The following COL23A1 variants were observed in gnomAD, a reference collection of about 807,000 sequenced individuals.
COL23A1 encodes the protein collagen alpha-1(XXIII) chain.
In COL23A1, 97 loss-of-function variants were observed where a neutral mutation model predicts 99.3. The ratio of observed to expected loss-of-function variants is 0.98; its 90% CI spans 0.83 to 1.16. The LOEUF is 1.16. Ranked by LOEUF, COL23A1 falls within the 50% of genes most tolerant of loss-of-function variation. The pLI, the probability that COL23A1 is intolerant of heterozygous loss-of-function variation, is 0.00. For synonymous variants in COL23A1, 320 were observed against 308.2 expected (o/e 1.04, Z -0.40); for missense variants, 762 against 757.4 (o/e 1.01, Z -0.07).
intron 2 of COL23A1, among the ~76,000 whole-genome samples, chr5:178,391,109 T>C (rs1444012816): frequency 6.6e-6 from 1 of 152,174 alleles, no homozygotes; most frequent in Non-Finnish European, 1.5e-5. Flanking sequence ...CAGATTCTCA[T>C]AGGAGCATGA....
chr5:178,262,098 GCGCA>G lies in COL23A1; in HGVS notation c.675+115_675+118del, dbSNP rs1048581967. ...TGCAGACACGTACATGCAGAGGCGC[GCGCA>G]CACACATAAACATGTGCGCGTGACC... On this transcript the variant is annotated intron_variant, in intron 10 of 28. Coordinates refer to ENST00000390654, the MANE Select transcript of COL23A1 (RefSeq NM_173465.4). 1.7e-4 allele frequency: 190 copies of G among 1,089,784 alleles called. 1 individual carries two copies. In the African/African-American group the frequency reaches 2.8e-3, roughly 16 times the overall value. The allele number at this position is 1,089,784 out of a possible 1,614,324, so 67.5% of individuals were successfully genotyped here. A position where few individuals can be genotyped will look rare whatever the true frequency, so the allele number is the denominator to read the frequency against.
chr5:178,435,682 T>A (rs924432577), intron 2 of COL23A1, among the ~76,000 whole-genome samples: 1 of 151,814 alleles, frequency 6.6e-6, no homozygotes, highest in African/African-American at 2.4e-5. Flanking sequence ...AGGGAGGTGA[T>A]CTGGTTTCAG....
chr5:178,276,096 G>A (rs932356577), intron 5 of COL23A1, among the ~76,000 whole-genome samples: 4 of 152,136 alleles, frequency 2.6e-5, no homozygotes, highest in African/African-American at 7.2e-5. Flanking sequence ...AAGTACATTC[G>A]GGATGTGGAG....
At chr5:178,527,867 A>T (rs1760403643) in intron 2 of COL23A1, among the ~76,000 whole-genome samples, 1 of 152,254 alleles carries the variant, frequency 6.6e-6, no homozygotes, top group Non-Finnish European at 1.5e-5. Context: ...CCCGAAATGG[A>T]AAATGCCAAG....
At chr5:178,527,112 T>C (rs965144483) in intron 2 of COL23A1, among the ~76,000 whole-genome samples, 3 of 152,038 alleles carry the variant, frequency 2.0e-5, no homozygotes, top group Admixed American at 6.5e-5. Flanking sequence ...AAGGGGGAAG[T>C]TGGACCCCAG....
chr5:178,484,007 G>A (rs879680742), intron 2 of COL23A1, among the ~76,000 whole-genome samples: 1 of 151,988 alleles, frequency 6.6e-6, no homozygotes, highest in East Asian at 1.9e-4. Flanking sequence ...GCATGATCTC[G>A]GCTCTCTGCA....
At chr5:178,377,419 T>C (rs759828691) in intron 2 of COL23A1, among the ~76,000 whole-genome samples, 31 of 152,258 alleles carry the variant, frequency 2.0e-4, no homozygotes, top group Non-Finnish European at 4.0e-4. Flanking sequence ...CCACTGCTTC[T>C]GGAGAATCAG....
At chr5:178,548,854 CAA>C (rs1176221133) in intron 2 of COL23A1, among the ~76,000 whole-genome samples, 1 of 152,022 alleles carries the variant, frequency 6.6e-6, no homozygotes, top group Non-Finnish European at 1.5e-5. Context: ...GCAAAAACAA[CAA>C]AAACTTAAAT....
intron 19 of COL23A1, among the ~76,000 whole-genome samples, chr5:178,248,541 T>TAGCCCAGTGACC (rs1216387160): frequency 1.3e-5 from 2 of 152,098 alleles, no homozygotes; most frequent in Non-Finnish European, 2.9e-5. Flanking sequence ...GTGCCCCCTC[T>TAGCCCAGTGACC]AGCCCAGTGA....
intron 2 of COL23A1, among the ~76,000 whole-genome samples, chr5:178,533,658 C>T (rs1032948616): frequency 3.3e-5 from 5 of 151,982 alleles, no homozygotes; most frequent in South Asian, 2.1e-4. Flanking sequence ...CCACCACGCC[C>T]GGCTAATTTT....
intron 2 of COL23A1, among the ~76,000 whole-genome samples, chr5:178,492,532 A>G (rs1188091508): frequency 6.6e-6 from 1 of 152,158 alleles, no homozygotes; most frequent in Non-Finnish European, 1.5e-5. Flanking sequence ...TGAGCTGTGC[A>G]GTCTGTGGTA....
At chr5:178,539,294 C>T (rs766245115) in intron 2 of COL23A1, among the ~76,000 whole-genome samples, 1 of 151,988 alleles carries the variant, frequency 6.6e-6, no homozygotes, top group Non-Finnish European at 1.5e-5. Flanking sequence ...CGCCTGTAAT[C>T]CCAGCAATTT....
chr5:178,316,434 G>C (rs1313228842), intron 2 of COL23A1, among the ~76,000 whole-genome samples: 1 of 152,144 alleles, frequency 6.6e-6, no homozygotes, highest in African/African-American at 2.4e-5. Context: ...AAATTTGAAC[G>C]ATTAAAATTA....
chr5:178,288,218 G>A, intron 5 of COL23A1, 106 bp downstream of exon 5: 1 of 993,328 alleles, frequency 1.0e-6, no homozygotes. Flanking sequence ...GGCTGCTGAG[G>A]AGCAGAAGAG....
intron 2 of COL23A1, among the ~76,000 whole-genome samples, chr5:178,358,800 AC>A (rs1762022195): frequency 6.6e-6 from 1 of 151,986 alleles, no homozygotes; most frequent in African/African-American, 2.4e-5. Context: ...AACATGATAT[AC>A]CCATGTGTGA....
Position 178,337,089 on chromosome 5 carries a change from G to C in COL23A1, c.362-30170C>G, listed in dbSNP as rs1760371351. ...TATTGGAATTCGATTTCCCATGGGA[G>C]GGGGGCCTGCGGAGGACATCAGGGA... On this transcript the variant is annotated intron_variant, in intron 2 of 28. Transcript: ENST00000390654. 4.6e-5 allele frequency among the ~76,000 whole-genome samples: 7 copies of C among 152,350 alleles called. No individual in the cohort carries two copies. The South Asian group carries it at 1.4e-3, about 32-fold the overall frequency.
intron 2 of COL23A1, among the ~76,000 whole-genome samples, chr5:178,527,969 C>A (rs185357816): frequency 2.7e-4 from 41 of 152,350 alleles, no homozygotes; most frequent in Non-Finnish European, 4.3e-4. Flanking sequence ...TCAGAAACAC[C>A]TGGACACTTT....
In COL23A1 at chr5:178,439,100, C is replaced by T. The variant is rs190750886; in HGVS notation, c.361+121582G>A. The T allele has an allele frequency of 3.9e-5, 6 of 152,340 alleles. No individual in the cohort carries two copies. The East Asian group carries it at 1.2e-3, about 29-fold the overall frequency. The allele number at this position is 152,340 out of a possible 1,614,324, so 9.4% of individuals were successfully genotyped here. A position where few individuals can be genotyped will look rare whatever the true frequency, so the allele number is the denominator to read the frequency against. ...GTGCGCAGATCAGTTACATCAGGACCCAGCCAGCAGATTTTAAAGTTTTCC... is the reference window on the plus strand; with the variant it reads ...GTGCGCAGATCAGTTACATCAGGACTCAGCCAGCAGATTTTAAAGTTTTCC... On this transcript the variant is annotated intron_variant, in intron 2 of 28. Coordinates refer to ENST00000390654, the MANE Select transcript of COL23A1 (RefSeq NM_173465.4). This position sits in a 1 kb window ranked among gnomAD's most constrained non-coding sequence, Gnocchi z 4.2.
chr5:178,279,852 A>G (rs1014114944), intron 5 of COL23A1, among the ~76,000 whole-genome samples: 25 of 151,876 alleles, frequency 1.6e-4, no homozygotes, highest in African/African-American at 6.1e-4. Context: ...CCTGACCCCC[A>G]CCAGGCCAGG....
Sources: allele counts gnomAD v4.1 joint callset (sites outside exome capture counted in the v4.1 genomes callset), GRCh38; gene constraint gnomAD v4.1.1; non-coding constraint Gnocchi (gnomAD v3.1); transcripts MANE v1.5; gene names NCBI Gene and HGNC (gene_info 2026-07-23, HGNC 2026-07-21).